Variants in MSI2 observed in about 807,000 individuals in gnomAD.
MSI2 encodes musashi RNA binding protein 2.
Under a neutral mutation model 45.6 loss-of-function variants are expected in MSI2, and 17 were observed. That is an observed-to-expected ratio of 0.37 (90% CI 0.26 to 0.56). The LOEUF (loss-of-function observed/expected upper bound fraction) is 0.56, where lower values mean the gene tolerates loss of function less well. Among genes scored for constraint, MSI2 ranks in the 20% least tolerant of loss-of-function variants. The probability of loss-of-function intolerance (pLI) is 0.77; values close to 1 mark genes in which losing one functional copy is unlikely to be tolerated. For synonymous variants in MSI2, 156 were observed against 158.2 expected (o/e 0.99, Z 0.11); for missense variants, 293 against 444.2 (o/e 0.66, Z 3.06).
intron 7 of MSI2, among the ~76,000 whole-genome samples, chr17:57,572,922 C>T (rs2087916453): frequency 6.6e-6 from 1 of 152,190 alleles, no homozygotes; most frequent in Non-Finnish European, 1.5e-5. Flanking sequence ...ATGAGGTGAC[C>T]AATGCAAAGG....
chr17:57,636,657 C>T (rs563010375), intron 10 of MSI2, among the ~76,000 whole-genome samples: 21 of 152,328 alleles, frequency 1.4e-4, no homozygotes, highest in Non-Finnish European at 1.2e-4. Flanking sequence ...CTTGCCTGGA[C>T]GGCCCCTCAT....
At chr17:57,419,479 C>T (rs1016230043) in intron 6 of MSI2, among the ~76,000 whole-genome samples, 4 of 152,006 alleles carry the variant, frequency 2.6e-5, no homozygotes. Context: ...TCTCCTGCCT[C>T]AGCCTCCCGA....
At chr17:57,354,572 G>A (rs967728009) in intron 5 of MSI2, among the ~76,000 whole-genome samples, 4 of 152,166 alleles carry the variant, frequency 2.6e-5, no homozygotes, top group African/African-American at 9.7e-5. Flanking sequence ...TGAACTAAGG[G>A]AGGGAATGGT....
chr17:57,474,126 A>G (rs2143705017), intron 6 of MSI2, among the ~76,000 whole-genome samples: 1 of 152,240 alleles, frequency 6.6e-6, no homozygotes, highest in Non-Finnish European at 1.5e-5. Flanking sequence ...GATCTGCAGC[A>G]CCCAGGGCTT....
chr17:57,425,307 A>G (rs556483253), intron 6 of MSI2, among the ~76,000 whole-genome samples: 20 of 152,314 alleles, frequency 1.3e-4, no homozygotes, highest in Non-Finnish European at 2.4e-4. Context: ...CAGCATTATG[A>G]TTTTGTTTAA....
intron 6 of MSI2, chr17:57,450,255 T>TAGAAAGAAAGAAAGAAAGAAAAGA (rs1567830518): frequency 2.6e-5 from 2 of 76,062 alleles, no homozygotes; most frequent in Admixed American, 1.6e-4. Context: ...TTCCCCAGCT[T>TAGAAAGAAAGAAAGAAAGAAAAGA]AAAGAAAGAA....
chr17:57,412,776 C>T (rs11079296), intron 6 of MSI2, among the ~76,000 whole-genome samples: 106,225 of 151,480 alleles, frequency 0.7, 37,826 homozygotes, highest in South Asian at 0.87. Flanking sequence ...GTTTTCATAC[C>T]CCCTTGGCTG....
intron 5 of MSI2, among the ~76,000 whole-genome samples, chr17:57,380,093 T>C (rs1015387129): frequency 7.2e-5 from 11 of 152,058 alleles, no homozygotes; most frequent in African/African-American, 2.2e-4. Flanking sequence ...TGCTAGGGGG[T>C]GGGAGGAGGA....
intron 6 of MSI2, among the ~76,000 whole-genome samples, chr17:57,513,733 C>T (rs570164714): frequency 6.6e-6 from 1 of 152,330 alleles, no homozygotes; most frequent in South Asian, 2.1e-4. Context: ...TGGCCAGCTC[C>T]TTGTGCTTCT....
chr17:57,350,816 A>G (rs1486164688), intron 5 of MSI2, among the ~76,000 whole-genome samples: 1 of 152,108 alleles, frequency 6.6e-6, no homozygotes. Context: ...ACCCACTGTC[A>G]TCGTATCAGC....
chr17:57,701,252 C>T, the MSI2 span, among the ~76,000 whole-genome samples: 4 of 152,120 alleles, frequency 2.6e-5, no homozygotes, highest in African/African-American at 7.2e-5. Context: ...CTAAGAAGCC[C>T]GCATGCTTTG....
At chr17:57,695,657 G>A in the MSI2 span, among the ~76,000 whole-genome samples, 10 of 152,266 alleles carry the variant, frequency 6.6e-5, no homozygotes, top group Non-Finnish European at 1.2e-4. Context: ...ATAAGGACTC[G>A]ATTAAAAACC....
chr17:57,461,800 T>G (rs2085235934), intron 6 of MSI2, among the ~76,000 whole-genome samples: 1 of 152,192 alleles, frequency 6.6e-6, no homozygotes. Context: ...CCCAAAGTAC[T>G]GGGATTACAG....
chr17:57,648,398 T>C (rs1005649352), intron 10 of MSI2, among the ~76,000 whole-genome samples: 19 of 152,162 alleles, frequency 1.2e-4, no homozygotes, highest in Non-Finnish European at 1.9e-4. Flanking sequence ...TCCTTTACAG[T>C]TGGGGACATC....
chr17:57,634,153 C>T (rs1339266361), intron 10 of MSI2, among the ~76,000 whole-genome samples: 1 of 152,196 alleles, frequency 6.6e-6, no homozygotes, highest in Non-Finnish European at 1.5e-5. Context: ...CATCATGAGA[C>T]AGGCACTTCA....
intron 6 of MSI2, among the ~76,000 whole-genome samples, chr17:57,459,490 C>G (rs1285719818): frequency 6.6e-6 from 1 of 152,194 alleles, no homozygotes; most frequent in Non-Finnish European, 1.5e-5. Context: ...GGCTCCAGGT[C>G]CATAAATGTC....
intron 8 of MSI2, among the ~76,000 whole-genome samples, chr17:57,597,448 T>C (rs1387049513): frequency 8.2e-6 from 1 of 121,530 alleles, no homozygotes; most frequent in African/African-American, 3.3e-5. Context: ...CTGGGAAACA[T>C]AGCCAGACCT....
intron 8 of MSI2, 121 bp from the exon 9 acceptor site, chr17:57,615,849 A>G (rs1266178702): frequency 2.8e-6 from 2 of 718,256 alleles, no homozygotes; most frequent in Non-Finnish European, 2.4e-6. Context: ...CGGCATGGCT[A>G]TTTTTACAGT....
chr17:57,472,155 C>T (rs996315155), intron 6 of MSI2, among the ~76,000 whole-genome samples: 3 of 152,054 alleles, frequency 2.0e-5, no homozygotes, highest in African/African-American at 4.8e-5. Context: ...GGTTGAGAGC[C>T]GAAATAATGG....
Sources: allele counts gnomAD v4.1 joint callset (sites outside exome capture counted in the v4.1 genomes callset), GRCh38; gene constraint gnomAD v4.1.1; transcripts MANE v1.5; gene names NCBI Gene and HGNC (gene_info 2026-07-23, HGNC 2026-07-21).